RANBP2: variants seen among roughly 807,000 people sequenced by gnomAD.
RANBP2 encodes the protein RAN binding protein 2, also known as E3 SUMO-protein ligase RanBP2.
RANBP2 carries 57 observed loss-of-function variants against 303.6 expected under a neutral mutation model. The ratio of observed to expected loss-of-function variants is 0.19; its 90% CI spans 0.15 to 0.23. The LOEUF is 0.23. Among genes scored for constraint, RANBP2 ranks in the 10% least tolerant of loss-of-function variants. The pLI, the probability that RANBP2 is intolerant of heterozygous loss-of-function variation, is 1.00. For missense variants in RANBP2, 3,138 were observed against 3,780.8 expected, an observed-to-expected ratio of 0.83 and a Z score of 4.46; for synonymous variants, 1,167 against 1,301.5, an observed-to-expected ratio of 0.90 and a Z score of 2.23.
At chr2:108,902,277 G>A in the RANBP2 span, among the ~76,000 whole-genome samples, 10 of 152,088 alleles carry the variant, frequency 6.6e-5, no homozygotes, top group Admixed American at 5.2e-4. Flanking sequence ...TTGGGAGGCT[G>A]AGGCAAGAGA....
chr2:109,036,291 C>T, the RANBP2 span, among the ~76,000 whole-genome samples: 1 of 152,168 alleles, frequency 6.6e-6, no homozygotes, highest in Non-Finnish European at 1.5e-5. Context: ...CAATTTTACA[C>T]ACTCTATCTC....
the RANBP2 span, among the ~76,000 whole-genome samples, chr2:109,549,797 T>A: frequency 6.6e-6 from 1 of 152,134 alleles, no homozygotes; most frequent in East Asian, 1.9e-4. Flanking sequence ...ACAATAATAA[T>A]TAATAATAAA....
At chr2:109,484,287 G>C in the RANBP2 span, among the ~76,000 whole-genome samples, 267 of 152,080 alleles carry the variant, frequency 1.8e-3, 2 homozygotes, top group African/African-American at 6.2e-3. Flanking sequence ...GGCTGGTCTC[G>C]AACTCCTGAC....
chr2:108,891,754 T>C, the RANBP2 span, among the ~76,000 whole-genome samples: 2 of 152,108 alleles, frequency 1.3e-5, no homozygotes. Context: ...GCAGTAGCAG[T>C]AGCAGGACGA....
the RANBP2 span, among the ~76,000 whole-genome samples, chr2:108,936,441 A>C: frequency 2.0e-5 from 3 of 151,584 alleles, no homozygotes; most frequent in Non-Finnish European, 4.4e-5. Flanking sequence ...AGGTGCTGGC[A>C]ACTGCCTGTG....
chr2:108,991,518 G>A, the RANBP2 span, among the ~76,000 whole-genome samples: 1 of 152,204 alleles, frequency 6.6e-6, no homozygotes, highest in Non-Finnish European at 1.5e-5. Flanking sequence ...CAAATGAATT[G>A]TAATTTAGAA....
the RANBP2 span, among the ~76,000 whole-genome samples, chr2:109,668,843 T>C: frequency 1.3e-5 from 2 of 152,206 alleles, no homozygotes; most frequent in African/African-American, 4.8e-5. Context: ...GGAACCCTCC[T>C]AGCCCACTGC....
the RANBP2 span, chr2:108,791,822 A>G: frequency 1.9e-6 from 3 of 1,559,852 alleles, no homozygotes; most frequent in East Asian, 4.5e-5. Flanking sequence ...ATATTTTAGA[A>G]CAATCAATTC....
rs1278919024 is a variant in RANBP2, at chr2:108,753,840, G to A, written c.2071G>A (p.Ala691Thr). Residue 691 changes from alanine (A) to threonine (T), a missense_variant, in exon 15 of 29, where the codon GCA becomes ACA. By Grantham distance (58) the Ala-to-Thr change is moderately conservative. This residue lies in a region of RANBP2 where 194 missense variants were observed against 197.4 expected (regional missense o/e 0.98). Coordinates refer to ENST00000283195, the MANE Select transcript of RANBP2 (RefSeq NM_006267.5). ...ATTTGTATAGATTTTTCACAGGAAG[G>A]CAGAAGACATTGAAAATGATGCCCT... ...WNLALIFHRK[A>T]EDIENDALSP... is the part of the protein sequence containing the mutation. 1.9e-6 allele frequency: 3 copies of A among 1,611,958 alleles called. No individual in the cohort carries two copies. Among genetic ancestry groups the A allele is most frequent in the East Asian group, 4.5e-5 (2 of 44,872 alleles).
chr2:109,688,932 G>A, the RANBP2 span, among the ~76,000 whole-genome samples: 55,783 of 145,298 alleles, frequency 0.38, 10,763 homozygotes, highest in Middle Eastern at 0.47. Context: ...TTTTTAAGAC[G>A]GAGTTTCACT....
At chr2:109,664,730 G>A in the RANBP2 span, among the ~76,000 whole-genome samples, 1 of 152,152 alleles carries the variant, frequency 6.6e-6, no homozygotes, top group Non-Finnish European at 1.5e-5. Flanking sequence ...AGGAGTTCAA[G>A]ACCAGCCTGG....
chr2:109,574,345 CT>C, the RANBP2 span, among the ~76,000 whole-genome samples: 1 of 149,304 alleles, frequency 6.7e-6, no homozygotes, highest in Non-Finnish European at 1.5e-5. Context: ...ACCTGGGAAG[CT>C]GAGGCAGGAG....
chr2:109,723,020 T>C, the RANBP2 span, among the ~76,000 whole-genome samples: 1 of 152,232 alleles, frequency 6.6e-6, no homozygotes, highest in Non-Finnish European at 1.5e-5. Context: ...TATTTCTGCT[T>C]CTAGATCTTT....
At chr2:108,759,787 T>C (rs956252913) in intron 18 of RANBP2, among the ~76,000 whole-genome samples, 1 of 152,200 alleles carries the variant, frequency 6.6e-6, no homozygotes, top group Non-Finnish European at 1.5e-5. Context: ...GGGGCTTTTT[T>C]AGTGATGTGT....
the RANBP2 span, among the ~76,000 whole-genome samples, chr2:109,642,721 G>A: frequency 6.6e-6 from 1 of 152,178 alleles, no homozygotes; most frequent in Non-Finnish European, 1.5e-5. Flanking sequence ...AAACTTGTGT[G>A]TTATTGATTA....
chr2:109,129,320 C>T, the RANBP2 span: 2 of 743,702 alleles, frequency 2.7e-6, no homozygotes, highest in Non-Finnish European at 2.2e-6. Context: ...ACTGGGCGGG[C>T]TCGGCTGGCC....
chr2:109,293,440 C>T, the RANBP2 span, among the ~76,000 whole-genome samples: 1 of 152,208 alleles, frequency 6.6e-6, no homozygotes, highest in South Asian at 2.1e-4. Context: ...TCCCAGGCTA[C>T]CCCAGTGGTG....
chr2:108,939,235 T>C, the RANBP2 span, among the ~76,000 whole-genome samples: 1 of 152,108 alleles, frequency 6.6e-6, no homozygotes, highest in Non-Finnish European at 1.5e-5. Flanking sequence ...TACAGTGTAG[T>C]GGCACGATCT....
the RANBP2 span, among the ~76,000 whole-genome samples, chr2:109,505,023 C>T: frequency 2.0e-5 from 3 of 152,228 alleles, no homozygotes; most frequent in African/African-American, 4.8e-5. Context: ...TCAAGTCCTT[C>T]GTAACCAGAA....
Sources: allele counts gnomAD v4.1 joint callset (sites outside exome capture counted in the v4.1 genomes callset), GRCh38; gene constraint gnomAD v4.1.1; regional missense constraint gnomAD v4.1.1; transcripts MANE v1.5; gene names NCBI Gene and HGNC (gene_info 2026-07-23, HGNC 2026-07-21).